The following ELOVL5 variants were observed in gnomAD, a reference collection of about 807,000 sequenced individuals.
ELOVL5 encodes the protein very long chain fatty acid elongase 5.
Under a neutral mutation model 38.6 loss-of-function variants are expected in ELOVL5, and 8 were observed. The ratio of observed to expected loss-of-function variants is 0.21; its 90% CI spans 0.12 to 0.37. The LOEUF (loss-of-function observed/expected upper bound fraction) is 0.37, where lower values mean the gene tolerates loss of function less well. Ranked by LOEUF, ELOVL5 falls within the 10% of genes least tolerant of loss-of-function variation. ELOVL5 has a pLI of 1.00. For synonymous variants in ELOVL5, 127 were observed against 133.7 expected (o/e 0.95, Z 0.34); for missense variants, 280 against 367.8 (o/e 0.76, Z 1.95).
chr6:53,316,068 TA>T (rs1246466779), intron 1 of ELOVL5, among the ~76,000 whole-genome samples: 2 of 152,184 alleles, frequency 1.3e-5, no homozygotes, highest in African/African-American at 4.8e-5. Context: ...CTGTGAGGAT[TA>T]AATGAGATAA....
intron 1 of ELOVL5, among the ~76,000 whole-genome samples, chr6:53,319,599 CTTTA>C (rs993689019): frequency 5.3e-5 from 8 of 152,250 alleles, no homozygotes; most frequent in South Asian, 2.1e-4. Context: ...TGGATGTTGG[CTTTA>C]TTTCTCATTT....
rs531068246 is a variant in ELOVL5 at position 53,271,727 on chromosome 6, G to A, written c.622-1000C>T. ...TTCTACCTCAGCCTCCCGAGTGACC[G>A]GGACTCCAAGCCATGACCCACTGTG... On this transcript the variant is annotated intron_variant, in intron 6 of 7. Transcript: ENST00000304434. Among the ~76,000 whole-genome samples the A allele has an allele frequency of 1.5e-4, 23 of 152,216 alleles. No homozygotes were observed. The South Asian group carries it at 1.7e-3, about 11-fold the overall frequency.
At chr6:53,295,774 TA>T in intron 1 of ELOVL5, 67 bp from the exon 2 acceptor site, 1 of 980,844 alleles carries the variant, frequency 1.0e-6, no homozygotes, top group Non-Finnish European at 1.5e-6. Flanking sequence ...TATTTTTTCA[TA>T]AAAGAATAAA....
At chr6:53,279,826 C>T (rs1465937012) in intron 3 of ELOVL5, among the ~76,000 whole-genome samples, 2 of 152,142 alleles carry the variant, frequency 1.3e-5, no homozygotes, top group African/African-American at 4.8e-5. Context: ...AGACCAAGGA[C>T]CTGAGTTGAA....
intron 1 of ELOVL5, among the ~76,000 whole-genome samples, chr6:53,321,801 T>G (rs1306894205): frequency 6.6e-6 from 1 of 152,192 alleles, no homozygotes; most frequent in Non-Finnish European, 1.5e-5. Context: ...CACTGAAAAT[T>G]TGTGTAAAGA....
rs959991188 is a variant in ELOVL5, at chr6:53,318,552, G to A, written c.-8-22845C>T. 1.1e-4 allele frequency among the ~76,000 whole-genome samples: 16 copies of A among 151,468 alleles called. No individual in the cohort carries two copies. In the East Asian group the frequency reaches 1.6e-3, roughly 15 times the overall value. ...CACATACTTCCAGCCTGGGCAAAAC[G>A]GTGAGACCCCGCCCCATCTCTACAA... On this transcript the variant is annotated intron_variant, in intron 1 of 7. Coordinates refer to ENST00000304434, the MANE Select transcript of ELOVL5 (RefSeq NM_021814.5).
intron 3 of ELOVL5, chr6:53,277,139 T>G (rs923064628): frequency 6.6e-6 from 1 of 152,494 alleles, no homozygotes; most frequent in African/African-American, 2.4e-5. Context: ...CAACACAGAT[T>G]CCCCCCCAGG....
intron 1 of ELOVL5, among the ~76,000 whole-genome samples, chr6:53,341,623 T>C (rs1582003766): frequency 6.6e-6 from 1 of 152,232 alleles, no homozygotes; most frequent in African/African-American, 2.4e-5. Context: ...TATTATGTGG[T>C]ACCAAGCAGC....
chr6:53,285,614 C>CT (rs990941309), intron 3 of ELOVL5, among the ~76,000 whole-genome samples: 3 of 152,012 alleles, frequency 2.0e-5, no homozygotes, highest in Non-Finnish European at 4.4e-5. Flanking sequence ...TTTAATTTAT[C>CT]TTTTTTTTCT....
At chr6:53,319,270 C>CAAAAAAAAAAAAAAAAA (rs59435925) in intron 1 of ELOVL5, among the ~76,000 whole-genome samples, 33 of 74,898 alleles carry the variant, frequency 4.4e-4, no homozygotes, top group Non-Finnish European at 5.7e-4. Flanking sequence ...GACTCCATCT[C>CAAAAAAAAAAAAAAAAA]AAAAAAAAAA....
At chr6:53,269,992 A>G (rs1741880478) in intron 7 of ELOVL5, among the ~76,000 whole-genome samples, 1 of 152,228 alleles carries the variant, frequency 6.6e-6, no homozygotes, top group Non-Finnish European at 1.5e-5. Flanking sequence ...GGCACTGGCA[A>G]CAAAGGCAGG....
intron 1 of ELOVL5, among the ~76,000 whole-genome samples, chr6:53,305,375 G>A (rs1767466981): frequency 9.5e-6 from 1 of 104,984 alleles, no homozygotes; most frequent in South Asian, 2.7e-4. Flanking sequence ...GCCTGGCGGG[G>A]GCTGACCCCC....
rs911777261 is a variant in ELOVL5 at position 53,328,738 on chromosome 6, T to C, written c.-9+20079A>G. Among the ~76,000 whole-genome samples the C allele has an allele frequency of 5.5e-5, 8 of 145,618 alleles. 1 individual carries two copies. The highest frequency in any genetic ancestry group is 3.5e-4 in the Admixed American group (5 of 14,458). On this transcript the variant is annotated intron_variant, in intron 1 of 7. Transcript: ENST00000304434. ...CTGGAAGCCTAAATACTGTAATGTA[T>C]AGATAGCAAAGAGAAAGGGATGAAT...
At chr6:53,287,880 C>G in intron 3 of ELOVL5, 1 of 1,535,742 alleles carries the variant, frequency 6.5e-7, no homozygotes, top group Non-Finnish European at 8.7e-7. Context: ...CTGGCAGCTG[C>G]TGCTGAGTCG....
At chr6:53,335,619 A>G (rs1769028321) in intron 1 of ELOVL5, among the ~76,000 whole-genome samples, 1 of 151,840 alleles carries the variant, frequency 6.6e-6, no homozygotes, top group South Asian at 2.1e-4. Flanking sequence ...TCCTTCCCCC[A>G]GACTCTCAGT....
intron 2 of ELOVL5, chr6:53,294,596 A>G (rs1766919254): frequency 7.2e-7 from 1 of 1,382,394 alleles, no homozygotes; most frequent in African/African-American, 1.5e-5. Flanking sequence ...GCAAGCTAAT[A>G]ATTATTATTA....
intron 3 of ELOVL5, chr6:53,290,637 A>G (rs780624928): frequency 2.6e-4 from 40 of 152,306 alleles, no homozygotes; most frequent in Admixed American, 9.8e-4. Flanking sequence ...TCTATTCAGA[A>G]TATCTGTACC....
intron 5 of ELOVL5, 152 bp from the exon 6 acceptor site, chr6:53,273,496 T>C (rs1295293294): frequency 5.8e-6 from 4 of 692,470 alleles, no homozygotes; most frequent in Admixed American, 5.8e-5. Flanking sequence ...AAGCAATGCA[T>C]GGATGTGTAA....
At chr6:53,292,719 A>C (rs1766820526) in intron 2 of ELOVL5, among the ~76,000 whole-genome samples, 1 of 152,194 alleles carries the variant, frequency 6.6e-6, no homozygotes, top group Non-Finnish European at 1.5e-5. Context: ...TGAAATTGGG[A>C]GGAAGAGGCT....
Sources: allele counts gnomAD v4.1 joint callset (sites outside exome capture counted in the v4.1 genomes callset), GRCh38; gene constraint gnomAD v4.1.1; transcripts MANE v1.5; gene names NCBI Gene and HGNC (gene_info 2026-07-23, HGNC 2026-07-21).